FAM184A: variants seen among roughly 807,000 people sequenced by gnomAD.
FAM184A encodes the protein protein FAM184A.
Under a neutral mutation model 143.8 loss-of-function variants are expected in FAM184A, and 99 were observed. The ratio of observed to expected loss-of-function variants is 0.69; its 90% CI spans 0.58 to 0.81. FAM184A has a LOEUF of 0.81. Among genes scored for constraint, FAM184A ranks in the 40% least tolerant of loss-of-function variants. FAM184A has a pLI of 0.00. For missense variants in FAM184A, 1,217 were observed against 1,310.5 expected, an observed-to-expected ratio of 0.93 and a Z score of 1.10; for synonymous variants, 427 against 446.4, an observed-to-expected ratio of 0.96 and a Z score of 0.55.
chr6:119,126,390 C>T (rs1053471238), intron 1 of FAM184A, among the ~76,000 whole-genome samples: 1 of 152,236 alleles, frequency 6.6e-6, no homozygotes, highest in African/African-American at 2.4e-5. Flanking sequence ...TTTTCCCTGA[C>T]CCCTTTGCAG....
At chr6:119,108,123 T>TTAGTGTGTGTGTGTG (rs1266678105) in intron 1 of FAM184A, among the ~76,000 whole-genome samples, 1 of 37,590 alleles carries the variant, frequency 2.7e-5, no homozygotes, top group Admixed American at 2.7e-4. Flanking sequence ...TGAGAAGCAC[T>TTAGTGTGTGTGTGTG]TGTTAGTGTG....
chr6:119,141,780 G>C (rs1164428161), intron 1 of FAM184A, among the ~76,000 whole-genome samples: 1 of 151,816 alleles, frequency 6.6e-6, no homozygotes, highest in Non-Finnish European at 1.5e-5. Context: ...CCCGGCCCCT[G>C]TGCTCCTTAA....
chr6:119,016,302 C>T (rs1305942116), intron 5 of FAM184A, among the ~76,000 whole-genome samples: 1 of 152,180 alleles, frequency 6.6e-6, no homozygotes, highest in Non-Finnish European at 1.5e-5. Context: ...CCCTTCCACA[C>T]TGTGGAAGCT....
intron 9 of FAM184A, among the ~76,000 whole-genome samples, chr6:118,994,190 A>G (rs1784469042): frequency 6.6e-6 from 1 of 152,250 alleles, no homozygotes; most frequent in Non-Finnish European, 1.5e-5. Flanking sequence ...CCAGGAAGGC[A>G]AAGATCACTC....
At chr6:119,139,216 A>G (rs1772126983) in intron 1 of FAM184A, among the ~76,000 whole-genome samples, 1 of 152,224 alleles carries the variant, frequency 6.6e-6, no homozygotes, top group African/African-American at 2.4e-5. Flanking sequence ...TGACTGAAAC[A>G]CAGGGACAAC....
At chr6:119,108,898 C>A (rs915730933) in intron 1 of FAM184A, among the ~76,000 whole-genome samples, 2 of 152,166 alleles carry the variant, frequency 1.3e-5, no homozygotes, top group Non-Finnish European at 2.9e-5. Context: ...TTCTTCCTAG[C>A]TTTTGAGGGC....
intron 9 of FAM184A, among the ~76,000 whole-genome samples, chr6:119,001,105 T>G (rs1055189465): frequency 6.8e-6 from 1 of 148,070 alleles, no homozygotes; most frequent in Non-Finnish European, 1.5e-5. Context: ...GAACCACTGG[T>G]CCTACTATAA....
chr6:119,145,891 A>G (rs1407916645), intron 1 of FAM184A, among the ~76,000 whole-genome samples: 2 of 152,206 alleles, frequency 1.3e-5, no homozygotes, highest in Non-Finnish European at 2.9e-5. Context: ...TTTTACAGGG[A>G]AGGAAATCAG....
intron 1 of FAM184A, among the ~76,000 whole-genome samples, chr6:119,117,816 T>G (rs1341245849): frequency 6.6e-6 from 1 of 152,156 alleles, no homozygotes; most frequent in African/African-American, 2.4e-5. Context: ...CCTGAAAGTT[T>G]AGCTAGGTGT....
chr6:119,136,284 C>CAAAAAAA (rs11454485), intron 1 of FAM184A, among the ~76,000 whole-genome samples: 1 of 65,890 alleles, frequency 1.5e-5, no homozygotes, highest in Non-Finnish European at 2.8e-5. Context: ...GACTCCGTCT[C>CAAAAAAA]AAAAAAAAAA....
At position 119,117,577 on chromosome 6, in the gene FAM184A, C is replaced by T. The variant is rs528421690; in HGVS notation, c.-202+31501G>A. 2.4e-4 allele frequency among the ~76,000 whole-genome samples: 37 copies of T among 152,296 alleles called. No individual in the cohort carries two copies. The South Asian group carries it at 7.5e-3, about 31-fold the overall frequency. On this transcript the variant is annotated intron_variant, in intron 1 of 16. Transcript: ENST00000352896. Reference sequence around the variant, plus strand: ...CAGAGGCCCCATTGCTTTGAACATGCCTGCGACTCAGAGGTAAGACCTGCT... The same window carrying T: ...CAGAGGCCCCATTGCTTTGAACATGTCTGCGACTCAGAGGTAAGACCTGCT...
At chr6:119,108,272 A>G (rs1382385059) in intron 1 of FAM184A, among the ~76,000 whole-genome samples, 1 of 151,814 alleles carries the variant, frequency 6.6e-6, no homozygotes, top group Non-Finnish European at 1.5e-5. Context: ...TCCCCTTGAC[A>G]CTCTCACCGA....
chr6:119,074,497 T>C (rs1181488516), intron 1 of FAM184A, among the ~76,000 whole-genome samples: 2 of 151,916 alleles, frequency 1.3e-5, no homozygotes, highest in African/African-American at 2.4e-5. Flanking sequence ...ATTTGTATTA[T>C]CTAAAAGCAA....
intron 6 of FAM184A, chr6:119,011,037 G>C (rs1785071858): frequency 3.6e-6 from 1 of 276,102 alleles, no homozygotes; most frequent in South Asian, 6.5e-5. Context: ...CAAAAGGGTA[G>C]AGAACTCTCT....
At chr6:119,089,210 T>TTTA (rs1182578500) in intron 1 of FAM184A, among the ~76,000 whole-genome samples, 10,852 of 126,016 alleles carry the variant, frequency 0.086, 858 homozygotes, top group African/African-American at 0.24. Context: ...TTATTTATTT[T>TTTA]TTTATTTTTT....
chr6:119,146,929 T>C (rs1772457927), intron 1 of FAM184A, among the ~76,000 whole-genome samples: 1 of 152,072 alleles, frequency 6.6e-6, no homozygotes, highest in Admixed American at 6.6e-5. Flanking sequence ...CTTGCATTTA[T>C]AGCTCTTGCC....
intron 1 of FAM184A, among the ~76,000 whole-genome samples, chr6:119,074,951 T>G (rs1787821074): frequency 6.6e-6 from 1 of 152,258 alleles, no homozygotes; most frequent in Admixed American, 6.5e-5. Flanking sequence ...ACTGGTGTTC[T>G]CCTTACCATG....
chr6:119,078,311 A>C lies in FAM184A; in HGVS notation c.-12T>G, dbSNP rs1582594971. 2 of 1,434,086 alleles carry C rather than the reference A, an allele frequency of 1.4e-6. No individual in the cohort carries two copies. The highest frequency in any genetic ancestry group is 1.4e-5 in the South Asian group (1 of 70,332). The allele number at this position is 1,434,086 out of a possible 1,614,324, so 88.8% of individuals were successfully genotyped here. Reference sequence around the variant, plus strand: ...CCCGGGGTCGCCATCTTCCCAACAGACCCCAGCCGGGGCACCTGTCCCCGC... The same window carrying C: ...CCCGGGGTCGCCATCTTCCCAACAGCCCCCAGCCGGGGCACCTGTCCCCGC... On this transcript the variant is annotated 5_prime_UTR_variant, in exon 1 of 18. Transcript: ENST00000338891. The surrounding 1 kb of genome is among the most constrained non-coding windows in gnomAD (Gnocchi z 5.5).
chr6:119,124,395 T>C (rs1474843360), intron 1 of FAM184A, among the ~76,000 whole-genome samples: 1 of 152,216 alleles, frequency 6.6e-6, no homozygotes, highest in Non-Finnish European at 1.5e-5. Flanking sequence ...TTGAAACTTA[T>C]AAGGCATCTC....
Sources: gnomAD v4.1 joint callset for allele counts (sites outside exome capture counted in the v4.1 genomes callset) on GRCh38, gnomAD v4.1.1 for gene constraint, Gnocchi (gnomAD v3.1) non-coding constraint, MANE v1.5 for transcripts, NCBI Gene and HGNC (gene_info 2026-07-23, HGNC 2026-07-21) for gene names.